Variants in TENM4 observed in about 807,000 individuals in gnomAD.
The protein encoded by TENM4 is teneurin-4.
A neutral mutation model predicts 243.3 loss-of-function variants in TENM4; 82 were observed. The ratio of observed to expected loss-of-function variants is 0.34; its 90% CI spans 0.28 to 0.40. The LOEUF is 0.40. Ranked by LOEUF, TENM4 falls within the 10% of genes least tolerant of loss-of-function variation. The pLI is 1.00. For synonymous variants in TENM4, 1,412 were observed against 1,456.3 expected (o/e 0.97, Z 0.69); for missense variants, 3,138 against 3,673.3 (o/e 0.85, Z 3.77).
At chr11:78,713,754 G>A (rs567202643) in intron 25 of TENM4, among the ~76,000 whole-genome samples, 8 of 152,314 alleles carry the variant, frequency 5.3e-5, no homozygotes, top group Admixed American at 3.9e-4. Flanking sequence ...CAATGATTGT[G>A]TCTCTTCTTG....
intron 1 of TENM4, among the ~76,000 whole-genome samples, chr11:79,359,938 T>C (rs1437801342): frequency 6.6e-6 from 1 of 152,058 alleles, no homozygotes; most frequent in African/African-American, 2.4e-5. Flanking sequence ...TATGTCACCA[T>C]GTGGGGAAAG....
At chr11:78,968,470 C>T (rs1158019332) in intron 6 of TENM4, among the ~76,000 whole-genome samples, 1 of 152,110 alleles carries the variant, frequency 6.6e-6, no homozygotes, top group Non-Finnish European at 1.5e-5. Flanking sequence ...ATTTTGGGGA[C>T]AGACGAGGTT....
intron 6 of TENM4, among the ~76,000 whole-genome samples, chr11:79,052,906 A>T (rs973313493): frequency 1.3e-5 from 2 of 152,296 alleles, no homozygotes; most frequent in Middle Eastern, 6.8e-3. Context: ...GAGACCAGAT[A>T]TGTCTCCTTG....
chr11:79,186,115 A>G (rs539723405), intron 3 of TENM4, among the ~76,000 whole-genome samples: 1 of 152,300 alleles, frequency 6.6e-6, no homozygotes, highest in African/African-American at 2.4e-5. Flanking sequence ...GATCTCTCTA[A>G]CTCCAAAAAC....
At chr11:78,918,863 T>C (rs75137708) in intron 6 of TENM4, among the ~76,000 whole-genome samples, 2,234 of 152,316 alleles carry the variant, frequency 0.015, 64 homozygotes, top group African/African-American at 0.051. Context: ...CAAGCTGCCT[T>C]CATGTTCTAG....
intron 19 of TENM4, chr11:78,756,387 G>A (rs1487362563): frequency 4.6e-6 from 1 of 217,732 alleles, no homozygotes; most frequent in African/African-American, 2.3e-5. Context: ...TATGTGGCCT[G>A]GGATGGCAGC....
Position 78,938,544 on chromosome 11 carries a change from G to C in TENM4, c.494-35021C>G, listed in dbSNP as rs372828744. 2.0e-5 allele frequency among the ~76,000 whole-genome samples: 3 copies of C among 151,674 alleles called. No homozygotes were observed. The East Asian group carries it at 5.8e-4, about 29-fold the overall frequency. On this transcript the variant is annotated intron_variant, in intron 6 of 33. Transcript: ENST00000278550. ...CATAGTCAATTTTTTTTTAAGTTGAGAACAAAAATAACAAAAGAAAAATAT... is the reference window on the plus strand; with the variant it reads ...CATAGTCAATTTTTTTTTAAGTTGACAACAAAAATAACAAAAGAAAAATAT...
At chr11:78,849,502 T>C (rs1391769053) in intron 12 of TENM4, among the ~76,000 whole-genome samples, 2 of 152,228 alleles carry the variant, frequency 1.3e-5, no homozygotes, top group African/African-American at 2.4e-5. Context: ...ATCTATTGTC[T>C]AAACTTCTTG....
intron 6 of TENM4, among the ~76,000 whole-genome samples, chr11:79,059,202 A>G (rs1030096915): frequency 5.3e-5 from 8 of 152,156 alleles, no homozygotes; most frequent in Admixed American, 1.3e-4. Flanking sequence ...CTTTCAAAGT[A>G]GGTTTCTTAA....
chr11:78,966,796 C>T lies in TENM4; in HGVS notation c.494-63273G>A, dbSNP rs1314493633. Reference sequence around the variant, plus strand: ...ACCTGTCCCCTTACCTCCCAAGTCTCATTGTTACCATTAGCTTCTCCTTAC... The same window carrying T: ...ACCTGTCCCCTTACCTCCCAAGTCTTATTGTTACCATTAGCTTCTCCTTAC... On this transcript the variant is annotated intron_variant, in intron 6 of 33. Coordinates refer to ENST00000278550, the MANE Select transcript of TENM4 (RefSeq NM_001098816.3). Among the ~76,000 whole-genome samples the T allele has an allele frequency of 2.0e-5, 3 of 152,196 alleles. No homozygotes were observed. The South Asian group carries it at 6.2e-4, about 32-fold the overall frequency.
At chr11:79,188,302 G>A (rs1863413503) in intron 3 of TENM4, among the ~76,000 whole-genome samples, 1 of 152,158 alleles carries the variant, frequency 6.6e-6, no homozygotes, top group African/African-American at 2.4e-5. Context: ...CTGAGGATCT[G>A]GTAAAAGCTA....
intron 1 of TENM4, among the ~76,000 whole-genome samples, chr11:79,346,479 T>C (rs988511947): frequency 1.3e-5 from 2 of 152,298 alleles, no homozygotes; most frequent in African/African-American, 4.8e-5. Context: ...CATGTGTTTA[T>C]TGAACACTCA....
chr11:79,398,883 G>C (rs1414043354), intron 1 of TENM4, among the ~76,000 whole-genome samples: 1 of 151,840 alleles, frequency 6.6e-6, no homozygotes, highest in African/African-American at 2.4e-5. Flanking sequence ...CTGCCCTCGA[G>C]GGGACACTGG....
intron 2 of TENM4, among the ~76,000 whole-genome samples, chr11:79,264,939 G>A (rs1855858183): frequency 6.6e-6 from 1 of 152,208 alleles, no homozygotes; most frequent in African/African-American, 2.4e-5. Context: ...GGTTATCAAA[G>A]GCAAATGTCT....
chr11:79,330,901 A>G (rs1857051125), intron 1 of TENM4, among the ~76,000 whole-genome samples: 1 of 152,180 alleles, frequency 6.6e-6, no homozygotes, highest in African/African-American at 2.4e-5. Context: ...ACCAGGAGCA[A>G]CAGAGACACG....
chr11:79,104,512 T>C (rs537147978), intron 4 of TENM4, among the ~76,000 whole-genome samples: 1 of 152,332 alleles, frequency 6.6e-6, no homozygotes, highest in African/African-American at 2.4e-5. Context: ...ACCATGAGTA[T>C]CTTTCACATC....
chr11:79,160,874 T>C (rs533383840), intron 3 of TENM4, among the ~76,000 whole-genome samples: 1 of 152,292 alleles, frequency 6.6e-6, no homozygotes, highest in East Asian at 1.9e-4. Flanking sequence ...ATTTCCCGGA[T>C]TCCCTTGCAG....
intron 1 of TENM4, among the ~76,000 whole-genome samples, chr11:79,353,044 T>G (rs565461650): frequency 6.6e-6 from 1 of 152,098 alleles, no homozygotes; most frequent in Admixed American, 6.5e-5. Context: ...TCTTAAATGT[T>G]GGGATAAAGC....
At chr11:78,720,874 T>C (rs1227766877) in intron 24 of TENM4, among the ~76,000 whole-genome samples, 1 of 152,074 alleles carries the variant, frequency 6.6e-6, no homozygotes, top group Non-Finnish European at 1.5e-5. Flanking sequence ...AGGGAGGGTA[T>C]GACACAGAAA....
Sources: gnomAD v4.1 joint callset for allele counts (sites outside exome capture counted in the v4.1 genomes callset) on GRCh38, gnomAD v4.1.1 for gene constraint, MANE v1.5 for transcripts, NCBI Gene and HGNC (gene_info 2026-07-23, HGNC 2026-07-21) for gene names.